The following SMC1B variants were observed in gnomAD, a reference collection of about 807,000 sequenced individuals.
SMC1B encodes the protein structural maintenance of chromosomes protein 1B.
A neutral mutation model predicts 157.9 loss-of-function variants in SMC1B; 60 were observed. That is an observed-to-expected ratio of 0.38 (90% CI 0.31 to 0.47). SMC1B has a LOEUF of 0.47. Ranked by LOEUF, SMC1B falls within the 20% of genes least tolerant of loss-of-function variation. The pLI, the probability that SMC1B is intolerant of heterozygous loss-of-function variation, is 0.99. For synonymous variants in SMC1B, 445 were observed against 483.0 expected (o/e 0.92, Z 1.03); for missense variants, 1,165 against 1,426.2 (o/e 0.82, Z 2.95).
intron 22 of SMC1B, among the ~76,000 whole-genome samples, chr22:45,350,881 T>C (rs571985734): frequency 7.2e-5 from 11 of 152,336 alleles, no homozygotes; most frequent in Admixed American, 4.6e-4. Flanking sequence ...TCACCTTGAT[T>C]GTGACCAGTC....
intron 19 of SMC1B, among the ~76,000 whole-genome samples, chr22:45,355,482 C>G (rs1167690488): frequency 1.3e-5 from 2 of 152,098 alleles, no homozygotes; most frequent in Non-Finnish European, 2.9e-5. Flanking sequence ...GACATATAAA[C>G]TGGATTAAAA....
At chr22:45,349,556 A>G (rs4823217) in intron 23 of SMC1B, among the ~76,000 whole-genome samples, 172 bp downstream of exon 23, 44 of 3,312 alleles carry the variant, frequency 0.013, 20 homozygotes, top group African/African-American at 0.03. Flanking sequence ...GGCTGGTCTT[A>G]AACTCCTGAC....
chr22:45,379,618 T>A (rs944789305), intron 12 of SMC1B, among the ~76,000 whole-genome samples: 1 of 152,202 alleles, frequency 6.6e-6, no homozygotes, highest in Non-Finnish European at 1.5e-5. Context: ...TTCTCTCCAC[T>A]TCTAATTCCT....
intron 2 of SMC1B, 74 bp downstream of exon 2, chr22:45,408,636 T>C: frequency 9.6e-6 from 10 of 1,042,506 alleles, no homozygotes; most frequent in Non-Finnish European, 1.4e-5. Flanking sequence ...AACCATACCC[T>C]CCAAAGAAAG....
chr22:45,348,405 A>T (rs919490035), intron 23 of SMC1B, among the ~76,000 whole-genome samples: 2 of 152,220 alleles, frequency 1.3e-5, no homozygotes, highest in African/African-American at 4.8e-5. Context: ...CACAAAAATT[A>T]GCCAGTCTCA....
chr22:45,396,586 A>C (rs1003716726), intron 6 of SMC1B, 100 bp from the exon 7 acceptor site: 4 of 980,980 alleles, frequency 4.1e-6, no homozygotes, highest in African/African-American at 3.3e-5. Context: ...TAATCTTCCC[A>C]AAAGCTTGCT....
At position 45,413,599 on chromosome 22, in the gene SMC1B, C is replaced by T. The variant is rs1204105103; in HGVS notation, c.-32G>A. On this transcript the variant is annotated 5_prime_UTR_variant, in exon 1 of 25. Coordinates refer to ENST00000357450, the MANE Select transcript of SMC1B (RefSeq NM_148674.5). ...GCCCTCCACGCCTCACCCGCGTTAT[C>T]AAGCGCCCGCGGAAAAAGCGCGGGA... The T allele has an allele frequency of 6.4e-6, 10 of 1,562,536 alleles. No individual in the cohort carries two copies. The highest frequency in any genetic ancestry group is 8.7e-6 in the Non-Finnish European group (10 of 1,149,434).
intron 9 of SMC1B, among the ~76,000 whole-genome samples, chr22:45,393,082 A>G (rs1056733186): frequency 3.3e-5 from 5 of 152,210 alleles, no homozygotes; most frequent in African/African-American, 1.2e-4. Flanking sequence ...ACTGCACAGT[A>G]TACACTGATG....
Position 45,393,669 on chromosome 22 carries a change from G to C in SMC1B, c.1510C>G (p.Leu504Val), listed in dbSNP as rs1459875585. 1 of 1,614,014 alleles carries C rather than the reference G, an allele frequency of 6.2e-7. No homozygotes were observed. The highest frequency in any genetic ancestry group is 1.1e-5 in the South Asian group (1 of 91,066). Residue 504 changes from leucine to valine, a missense_variant, in exon 9 of 25, where the codon CTG becomes GTG. Transcript: ENST00000357450. ...GKRQQKRAEV[L>V]EHLKRLYPDS... Reference sequence around the variant, plus strand: ...GGGTACAGTCTTTTAAGGTGTTCCAGAACCTCTGCTCTCTTTTGCTGACGT... The same window carrying C: ...GGGTACAGTCTTTTAAGGTGTTCCACAACCTCTGCTCTCTTTTGCTGACGT...
chr22:45,368,586 C>T (rs1480129788), intron 15 of SMC1B, among the ~76,000 whole-genome samples: 3 of 150,484 alleles, frequency 2.0e-5, no homozygotes, highest in East Asian at 1.9e-4. Flanking sequence ...GGCATGATCT[C>T]GGCTCACTGC....
chr22:45,347,195 TTCCTGTTTCCTTCCCAGCTACCATG>T (rs1414631783), intron 23 of SMC1B, among the ~76,000 whole-genome samples: 4 of 152,100 alleles, frequency 2.6e-5, no homozygotes, highest in East Asian at 1.9e-4. Flanking sequence ...ATGCTCTTCT[TTCCTGTTTCCTTCCCAGCTACCATG>T]TCCTGTTTCC....
intron 12 of SMC1B, among the ~76,000 whole-genome samples, chr22:45,380,010 T>A (rs1485949090): frequency 1.3e-5 from 2 of 152,184 alleles, no homozygotes; most frequent in Non-Finnish European, 2.9e-5. Context: ...GTGCTGGGAT[T>A]ACAGGTATGA....
At chr22:45,370,431 T>C (rs1160484185) in intron 14 of SMC1B, among the ~76,000 whole-genome samples, 29 of 152,174 alleles carry the variant, frequency 1.9e-4, no homozygotes, top group Admixed American at 1.8e-3. Context: ...TTTGCCAGTA[T>C]AGTAACAAGT....
At chr22:45,413,118 G>C (rs1257270435) in intron 1 of SMC1B, among the ~76,000 whole-genome samples, 1 of 151,858 alleles carries the variant, frequency 6.6e-6, no homozygotes, top group Non-Finnish European at 1.5e-5. Context: ...AGGTGGGGTG[G>C]GGTCCCTCAG....
intron 11 of SMC1B, among the ~76,000 whole-genome samples, chr22:45,386,490 G>T (rs1238575787): frequency 6.6e-6 from 1 of 151,990 alleles, no homozygotes; most frequent in East Asian, 1.9e-4. Flanking sequence ...GGAAGAATTA[G>T]CCCACATTGT....
chr22:45,402,208 A>G (rs762586151), intron 5 of SMC1B, 125 bp downstream of exon 5: 21 of 722,558 alleles, frequency 2.9e-5, no homozygotes, highest in African/African-American at 7.1e-5. Context: ...ATTTTTCTGT[A>G]TATCTAAAAG....
chr22:45,406,366 A>T, intron 4 of SMC1B, 94 bp downstream of exon 4: 2 of 953,642 alleles, frequency 2.1e-6, no homozygotes, highest in Non-Finnish European at 1.6e-6. Context: ...CTATTAAATT[A>T]ATCTTCTTGG....
chr22:45,347,450 A>G lies in SMC1B; in HGVS notation c.3496-1881T>C, dbSNP rs143482415. 9.4e-4 allele frequency among the ~76,000 whole-genome samples: 143 copies of G among 152,296 alleles called. 1 individual carries two copies. The highest frequency in any genetic ancestry group is 3.2e-3 in the African/African-American group (133 of 41,552). Reference sequence around the variant, plus strand: ...TACCTCAGGTTGCAGCTACCCAGGCAATTCACATGAGACTCAACAGAGTAA... The same window carrying G: ...TACCTCAGGTTGCAGCTACCCAGGCGATTCACATGAGACTCAACAGAGTAA... On this transcript the variant is annotated intron_variant, in intron 23 of 24. Coordinates refer to ENST00000357450, the MANE Select transcript of SMC1B (RefSeq NM_148674.5).
In SMC1B at chr22:45,371,500, T is replaced by C. The variant is rs1198061291; in HGVS notation, c.2284A>G (p.Ile762Val). 6.3e-7 allele frequency: 1 copy of C among 1,598,192 alleles called. No homozygotes were observed. Among genetic ancestry groups the C allele is most frequent in the Non-Finnish European group, 8.5e-7 (1 of 1,174,118 alleles). The part of the protein sequence containing the change: ...SEGIKERQRR[I>V]KEFQEKIDKV... ...TCTATCTTTTCTTGAAATTCTTTAA[T>C]TCTTCGTTGTCGTTCCTTGATTCCT... Residue 762 changes from isoleucine to valine, a missense_variant, in exon 14 of 25, where the codon ATT becomes GTT. Physicochemically the swap from Ile to Val is conservative, Grantham distance 29 (BLOSUM62 3). Transcript: ENST00000357450.
Sources: gnomAD v4.1 joint callset for allele counts (sites outside exome capture counted in the v4.1 genomes callset) on GRCh38, gnomAD v4.1.1 for gene constraint, MANE v1.5 for transcripts, NCBI Gene and HGNC (gene_info 2026-07-23, HGNC 2026-07-21) for gene names.